The following KIF27 variants were observed in gnomAD, a reference collection of about 807,000 sequenced individuals.
The protein encoded by KIF27 is kinesin-like protein KIF27.
Under a neutral mutation model 141.8 loss-of-function variants are expected in KIF27, and 84 were observed. The observed-to-expected ratio is 0.59, with a 90% CI of 0.50 to 0.71. The LOEUF (loss-of-function observed/expected upper bound fraction) is 0.71, where lower values mean the gene tolerates loss of function less well. Among genes scored for constraint, KIF27 ranks in the 30% least tolerant of loss-of-function variants. The probability of loss-of-function intolerance (pLI) is 0.00; values close to 1 mark genes in which losing one functional copy is unlikely to be tolerated. For synonymous variants in KIF27, 471 were observed against 569.5 expected (o/e 0.83, Z 2.46); for missense variants, 1,306 against 1,628.4 (o/e 0.80, Z 3.41).
intron 8 of KIF27, 79 bp from the exon 9 acceptor site, chr9:83,887,275 A>G (rs1429421312): frequency 3.1e-6 from 3 of 967,976 alleles, no homozygotes; most frequent in South Asian, 2.3e-5. Context: ...AGAAAAGCAG[A>G]CTCAAAAGCA....
chr9:83,901,482 T>G (rs950812569), intron 4 of KIF27, among the ~76,000 whole-genome samples: 10 of 152,192 alleles, frequency 6.6e-5, no homozygotes, highest in Non-Finnish European at 2.9e-5. Flanking sequence ...TGCAACAAAC[T>G]GAATACTGAA....
intron 1 of KIF27, among the ~76,000 whole-genome samples, chr9:83,917,066 T>C (rs911373870): frequency 2.0e-5 from 3 of 152,104 alleles, no homozygotes; most frequent in African/African-American, 4.8e-5. Context: ...ATGTGCCATG[T>C]TGGTGTGCTG....
At chr9:83,856,183 G>A (rs954658707) in intron 14 of KIF27, among the ~76,000 whole-genome samples, 1 of 152,096 alleles carries the variant, frequency 6.6e-6, no homozygotes, top group African/African-American at 2.4e-5. Flanking sequence ...GGTCCACTTG[G>A]GGCCTGAGGA....
chr9:83,916,043 C>T (rs958257368), intron 1 of KIF27, among the ~76,000 whole-genome samples: 10 of 151,886 alleles, frequency 6.6e-5, no homozygotes, highest in African/African-American at 2.4e-4. Context: ...AGGAACTGTA[C>T]ACACGTTTTT....
chr9:83,836,811 A>G lies in KIF27; in HGVS notation c.*190T>C. ...GAAAACATGTTTGATTACTATGGGAATATAAACTAAAACTCCCCAAATATA... is the reference window on the plus strand; with the variant it reads ...GAAAACATGTTTGATTACTATGGGAGTATAAACTAAAACTCCCCAAATATA... On this transcript the variant is annotated 3_prime_UTR_variant, in exon 18 of 18. Transcript: ENST00000297814. 1 of 799,460 alleles carries G rather than the reference A, an allele frequency of 1.3e-6. No homozygotes were observed. Among genetic ancestry groups the G allele is most frequent in the Non-Finnish European group, 1.9e-6 (1 of 539,560 alleles). The allele number at this position is 799,460 out of a possible 1,614,324, so 49.5% of individuals were successfully genotyped here.
chr9:83,889,786 A>G (rs546216942), intron 6 of KIF27, among the ~76,000 whole-genome samples: 2 of 152,300 alleles, frequency 1.3e-5, no homozygotes, highest in East Asian at 3.9e-4. Flanking sequence ...GTAGTTAGGT[A>G]TAGCTGAATT....
At chr9:83,866,977 C>T (rs543553195) in intron 13 of KIF27, among the ~76,000 whole-genome samples, 5 of 139,676 alleles carry the variant, frequency 3.6e-5, no homozygotes, top group African/African-American at 1.1e-4. Context: ...AAACCCCACA[C>T]CTATTAGTAG....
chr9:83,843,045 C>CA (rs1245442897), intron 16 of KIF27, among the ~76,000 whole-genome samples: 1 of 151,774 alleles, frequency 6.6e-6, no homozygotes, highest in Non-Finnish European at 1.5e-5. Context: ...GTTTGGAACT[C>CA]TGTTCATTGG....
intron 11 of KIF27, among the ~76,000 whole-genome samples, chr9:83,877,978 C>G (rs1310627064): frequency 6.6e-6 from 1 of 151,742 alleles, no homozygotes; most frequent in African/African-American, 2.4e-5. Context: ...TCCTGGCTAA[C>G]ACAGTGAAAA....
chr9:83,893,724 A>T (rs1411675550), intron 5 of KIF27, among the ~76,000 whole-genome samples: 1 of 152,102 alleles, frequency 6.6e-6, no homozygotes, highest in Non-Finnish European at 1.5e-5. Context: ...AGGTTACCCC[A>T]AAAGTAGAAG....
At chr9:83,910,582 C>A (rs1347403417) in intron 2 of KIF27, among the ~76,000 whole-genome samples, 1 of 152,144 alleles carries the variant, frequency 6.6e-6, no homozygotes, top group Non-Finnish European at 1.5e-5. Context: ...GGGACGTAAG[C>A]CAGAGTTGAT....
chr9:83,891,476 A>C lies in KIF27; in HGVS notation c.1628T>G (p.Leu543Arg). 6.2e-7 allele frequency: 1 copy of C among 1,613,106 alleles called. No individual in the cohort carries two copies. The highest frequency in any genetic ancestry group is 8.5e-7 in the Non-Finnish European group (1 of 1,179,490). The change falls in exon 6 of 18, where the codon CTT (leucine) becomes CGT (arginine). Residue 543 changes from leucine (L) to arginine (R), a missense_variant. Transcript: ENST00000297814. ...TTCTTCACTCAGTTGATCCACAAGA[A>C]GTTGTTGTTCTATTATTTTTTCATT... ...LQNEKIIEQQ[L>R]LVDQLSEELT...
chr9:83,840,979 AG>A (rs1341083465), intron 17 of KIF27, among the ~76,000 whole-genome samples: 1 of 152,172 alleles, frequency 6.6e-6, no homozygotes, highest in African/African-American at 2.4e-5. Flanking sequence ...CTGAAAATGG[AG>A]TTAGCAGACC....
At chr9:83,921,348 C>CG (rs58903860) in intron 1 of KIF27, 23 bp downstream of exon 1, 151,080 of 151,958 alleles carry the variant, frequency 0.99, 75,102 homozygotes, top group Middle Eastern at 1. Context: ...CCGCACCGCC[C>CG]GCCAGGCCCG....
intron 11 of KIF27, among the ~76,000 whole-genome samples, chr9:83,875,686 C>T (rs766502171): frequency 6.6e-5 from 10 of 152,048 alleles, no homozygotes; most frequent in African/African-American, 9.7e-5. Context: ...GAAGGTATAA[C>T]GTCACAAAAG....
At chr9:83,890,111 C>A (rs1345921850) in intron 6 of KIF27, among the ~76,000 whole-genome samples, 1 of 152,156 alleles carries the variant, frequency 6.6e-6, no homozygotes, top group Admixed American at 6.5e-5. Context: ...AAAATTATAA[C>A]ATATAGTGGA....
chr9:83,883,924 T>C lies in KIF27; in HGVS notation c.2334A>G (p.Thr778=). ...AEQAKVELIE[T]QKQLQELENK... is the part of the protein sequence containing the mutation. Reference sequence around the variant, plus strand: ...TTTCCAGCTCCTGTAGCTGCTTTTGTGTTTCAATCAGTTCGACTTTTGCCT... The same window carrying C: ...TTTCCAGCTCCTGTAGCTGCTTTTGCGTTTCAATCAGTTCGACTTTTGCCT... Residue 778 remains threonine, a synonymous_variant, in exon 10 of 18, where the codon ACA becomes ACG. Coordinates refer to ENST00000297814, the MANE Select transcript of KIF27 (RefSeq NM_017576.4). 6.2e-7 allele frequency: 1 copy of C among 1,613,706 alleles called. No homozygotes were observed.
At position 83,914,815 on chromosome 9, in the gene KIF27, T is replaced by C. The variant is rs79160843; in HGVS notation, c.298+479A>G. On this transcript the variant is annotated intron_variant, in intron 2 of 17. Transcript: ENST00000297814. Reference sequence around the variant, plus strand: ...TCCTATGATTCCATCTTTTCCAAACTACAATTATAAGCAGGAGAAATTATG... The same window carrying C: ...TCCTATGATTCCATCTTTTCCAAACCACAATTATAAGCAGGAGAAATTATG... Among the ~76,000 whole-genome samples, 499 of 152,236 alleles carry C rather than the reference T, an allele frequency of 3.3e-3. 24 individuals are homozygous for C. The East Asian group carries it at 0.086, about 26-fold the overall frequency.
chr9:83,851,842 C>G (rs1948618110), intron 15 of KIF27, among the ~76,000 whole-genome samples: 1 of 152,112 alleles, frequency 6.6e-6, no homozygotes, highest in Non-Finnish European at 1.5e-5. Flanking sequence ...TTAAGAGTAG[C>G]ACAAGGGCCA....
Sources: gnomAD v4.1 joint callset for allele counts (sites outside exome capture counted in the v4.1 genomes callset) on GRCh38, gnomAD v4.1.1 for gene constraint, MANE v1.5 for transcripts, NCBI Gene and HGNC (gene_info 2026-07-23, HGNC 2026-07-21) for gene names.